Variants in DNAH5 observed in about 807,000 individuals in gnomAD.
The protein encoded by DNAH5 is dynein axonemal heavy chain 5, also known as axonemal beta dynein heavy chain 5.
DNAH5 carries 372 observed loss-of-function variants against 518.2 expected under a neutral mutation model. That is an observed-to-expected ratio of 0.72 (90% CI 0.66 to 0.78). The LOEUF (loss-of-function observed/expected upper bound fraction) is 0.78, where lower values mean the gene tolerates loss of function less well. DNAH5 is among the 30% of genes least tolerant of loss of function. The probability of loss-of-function intolerance (pLI) is 0.00; values close to 1 mark genes in which losing one functional copy is unlikely to be tolerated. For missense variants in DNAH5, 5,523 were observed against 5,687.0 expected (o/e 0.97, Z 0.93); for synonymous variants, 2,039 against 2,025.9 (o/e 1.01, Z -0.17).
intron 38 of DNAH5, among the ~76,000 whole-genome samples, chr5:13,825,241 G>A (rs1274804406): frequency 2.0e-5 from 3 of 152,102 alleles, no homozygotes; most frequent in Non-Finnish European, 4.4e-5. Flanking sequence ...CTACTCAGGA[G>A]GCTGAGGCAT....
At chr5:13,960,615 G>A (rs138817458) in intron 1 of DNAH5, among the ~76,000 whole-genome samples, 18 of 152,260 alleles carry the variant, frequency 1.2e-4, no homozygotes, top group Non-Finnish European at 2.4e-4. Context: ...AGAAAAATTC[G>A]CTGGCCTCTG....
Position 13,811,666 on chromosome 5 carries a change from T to G in DNAH5, c.7388A>C (p.Gln2463Pro). 1.2e-6 allele frequency: 2 copies of G among 1,613,944 alleles called. No homozygotes were observed. The highest frequency in any genetic ancestry group is 8.5e-7 in the Non-Finnish European group (1 of 1,179,970). ...FVITQSINMLQGLIPLKEQGG... is the reference protein window; with the variant it reads ...FVITQSINMLPGLIPLKEQGG... ...ATTTACCTTCAGAGGAATCAGGCCT[T>G]GAAGCATGTTAATGCTCTGTGTGAT... Residue 2463 changes from glutamine (Q) to proline (P), a missense_variant, in exon 44 of 79, where the codon CAA becomes CCA. Gln to Pro is a moderately conservative substitution (Grantham distance 76). Around this residue, in one of 3 missense-constraint regions of DNAH5, gnomAD observed 5,121 missense variants for 5,223.3 expected, o/e 0.98. Transcript: ENST00000265104.
intron 50 of DNAH5, among the ~76,000 whole-genome samples, chr5:13,789,939 A>G (rs185695103): frequency 6.6e-6 from 1 of 152,360 alleles, no homozygotes; most frequent in Admixed American, 6.5e-5. Flanking sequence ...GCCAAGAAAC[A>G]TATGAAAAGA....
intron 46 of DNAH5, 78 bp from the exon 47 acceptor site, chr5:13,807,803 T>C: frequency 7.8e-7 from 1 of 1,276,074 alleles, no homozygotes. Flanking sequence ...CCAAAATTCA[T>C]ATGCTGAATC....
At chr5:13,820,244 A>T (rs923645822) in intron 41 of DNAH5, 102 bp downstream of exon 41, 8 of 1,207,958 alleles carry the variant, frequency 6.6e-6, no homozygotes, top group South Asian at 1.3e-5. Context: ...CCTCCTATAA[A>T]AATATATTAT....
At chr5:13,724,172 G>T (rs1231796428) in intron 70 of DNAH5, among the ~76,000 whole-genome samples, 3 of 152,196 alleles carry the variant, frequency 2.0e-5, no homozygotes, top group African/African-American at 7.2e-5. Flanking sequence ...AATAATTCCA[G>T]GCATTACTCG....
intron 59 of DNAH5, among the ~76,000 whole-genome samples, chr5:13,763,876 C>T (rs1489494910): frequency 6.6e-6 from 1 of 152,170 alleles, no homozygotes; most frequent in Non-Finnish European, 1.5e-5. Flanking sequence ...ATGTCAGGAA[C>T]GTGTAATCAC....
Position 13,701,401 on chromosome 5 carries a change from A to C in DNAH5, c.13374T>G (p.Phe4458Leu). ...GGCTGTTTCTTTCTATAAGTTCAGT[A>C]AACCAGAAACCCAGTGTACTAGAAA... is the stretch of plus-strand genomic sequence containing the variant. ...SWISSTLGFW[F>L]TELIERNSQF... The change falls in exon 77 of 79, where the codon TTT (phenylalanine) becomes TTG (leucine). Residue 4458 changes from phenylalanine (F) to leucine (L), a missense_variant. Phe to Leu is a conservative substitution (Grantham distance 22). This residue lies in a region of DNAH5 where 387 missense variants were observed against 430.0 expected (regional missense o/e 0.90). Transcript: ENST00000265104. 6.2e-7 allele frequency: 1 copy of C among 1,613,790 alleles called. No individual in the cohort carries two copies. The highest frequency in any genetic ancestry group is 2.2e-5 in the East Asian group (1 of 44,880).
At chr5:13,780,798 T>C (rs748344854) in intron 53 of DNAH5, 31 bp downstream of exon 53, 14 of 1,610,612 alleles carry the variant, frequency 8.7e-6, no homozygotes, top group South Asian at 1.1e-5. Context: ...TCAAAATCCA[T>C]GTTAGGTTTG....
At chr5:13,704,256 G>C (rs939566837) in intron 76 of DNAH5, among the ~76,000 whole-genome samples, 1 of 152,090 alleles carries the variant, frequency 6.6e-6, no homozygotes, top group Non-Finnish European at 1.5e-5. Context: ...TTTATTACTG[G>C]GGGTAGCAGG....
Position 13,770,616 on chromosome 5 carries a change from C to T in DNAH5, c.9605+133G>A, listed in dbSNP as rs912627230. 1.6e-5 allele frequency: 13 copies of T among 792,460 alleles called. No individual in the cohort carries two copies. The South Asian group carries it at 1.8e-4, about 11-fold the overall frequency. The allele number at this position is 792,460 out of a possible 1,614,324, so 49.1% of individuals were successfully genotyped here. ...TACCCACTACATGCCAGCAGTACCC[C>T]TTCCCTGCCCTGCCGCCACAGCTAT... On this transcript the variant is annotated intron_variant, in intron 56 of 78. Transcript: ENST00000265104.
chr5:13,713,410 C>CTGACATATATATATATACAT (rs1743830011), intron 75 of DNAH5, among the ~76,000 whole-genome samples: 1 of 89,108 alleles, frequency 1.1e-5, no homozygotes, highest in African/African-American at 4.4e-5. Flanking sequence ...TATATATACA[C>CTGACATATATATATATACAT]CGACATATAT....
At chr5:13,798,469 C>T (rs1319899882) in intron 47 of DNAH5, among the ~76,000 whole-genome samples, 1 of 152,038 alleles carries the variant, frequency 6.6e-6, no homozygotes, top group Non-Finnish European at 1.5e-5. Flanking sequence ...TAGGAATCCA[C>T]TAATGCATGA....
At chr5:13,805,689 C>G (rs1199952397) in intron 47 of DNAH5, among the ~76,000 whole-genome samples, 1 of 152,150 alleles carries the variant, frequency 6.6e-6, no homozygotes, top group Admixed American at 6.5e-5. Context: ...CCCTCCCAAA[C>G]CTCGCCCTCT....
chr5:13,966,197 C>A (rs907558013), intron 1 of DNAH5, among the ~76,000 whole-genome samples: 1 of 149,198 alleles, frequency 6.7e-6, no homozygotes, highest in African/African-American at 2.5e-5. Context: ...AGTAGTATTC[C>A]ATGGTGTGTG....
intron 65 of DNAH5, among the ~76,000 whole-genome samples, chr5:13,748,931 A>G (rs35551776): frequency 0.11 from 17,265 of 151,992 alleles, 1,049 homozygotes; most frequent in East Asian, 0.21. Flanking sequence ...TAAGGCACAC[A>G]TAAGACTCTT....
At chr5:13,861,979 A>G (rs1768509554) in intron 29 of DNAH5, among the ~76,000 whole-genome samples, 1 of 147,568 alleles carries the variant, frequency 6.8e-6, no homozygotes, top group African/African-American at 2.5e-5. Context: ...AAAAAAAACA[A>G]GTTCAAATGT....
chr5:13,908,482 T>C (rs1775620692), intron 12 of DNAH5, among the ~76,000 whole-genome samples: 1 of 152,194 alleles, frequency 6.6e-6, no homozygotes, highest in Admixed American at 6.5e-5. Context: ...GAACTCTCTG[T>C]CAACATGTAA....
intron 1 of DNAH5, among the ~76,000 whole-genome samples, chr5:13,959,636 AC>A (rs772953069): frequency 6.6e-6 from 1 of 152,098 alleles, no homozygotes; most frequent in African/African-American, 2.4e-5. Context: ...TTCATTCCTT[AC>A]CCCAAGTCCT....
Sources: allele counts gnomAD v4.1 joint callset (sites outside exome capture counted in the v4.1 genomes callset), GRCh38; gene constraint gnomAD v4.1.1; regional missense constraint gnomAD v4.1.1; transcripts MANE v1.5; gene names NCBI Gene and HGNC (gene_info 2026-07-23, HGNC 2026-07-21).